NCKAP5: variants seen among roughly 807,000 people sequenced by gnomAD.
The protein encoded by NCKAP5 is NCK associated protein 5, also known as nck-associated protein 5.
NCKAP5 carries 92 observed loss-of-function variants against 167.0 expected under a neutral mutation model. That is an observed-to-expected ratio of 0.55 (90% CI 0.47 to 0.66). NCKAP5 has a LOEUF of 0.66. Ranked by LOEUF, NCKAP5 falls within the 30% of genes least tolerant of loss-of-function variation. The pLI, the probability that NCKAP5 is intolerant of heterozygous loss-of-function variation, is 0.00. For missense variants in NCKAP5, 2,378 were observed against 2,315.0 expected (o/e 1.03, Z -0.56); for synonymous variants, 891 against 877.4 (o/e 1.02, Z -0.27).
intron 3 of NCKAP5, among the ~76,000 whole-genome samples, chr2:133,357,825 G>T (rs927524420): frequency 2.0e-5 from 3 of 152,110 alleles, no homozygotes; most frequent in Non-Finnish European, 2.9e-5. Flanking sequence ...AATTTTTGGG[G>T]TCATTTCACT....
chr2:132,859,475 T>G (rs1397209898), intron 11 of NCKAP5, among the ~76,000 whole-genome samples: 2 of 152,232 alleles, frequency 1.3e-5, no homozygotes, highest in African/African-American at 2.4e-5. Flanking sequence ...CCTGGCCACA[T>G]GTGGCTTTTG....
At chr2:133,207,736 A>G (rs776972701) in intron 5 of NCKAP5, among the ~76,000 whole-genome samples, 7 of 152,248 alleles carry the variant, frequency 4.6e-5, no homozygotes, top group Admixed American at 1.3e-4. Context: ...GCCAAAAAAT[A>G]AAGCAGTACT....
intron 3 of NCKAP5, among the ~76,000 whole-genome samples, chr2:133,515,967 C>T (rs1425663861): frequency 6.6e-6 from 1 of 152,306 alleles, no homozygotes; most frequent in East Asian, 1.9e-4. Context: ...AAGACAATAG[C>T]TTATTATGTT....
At chr2:133,361,898 A>T (rs779569632) in intron 3 of NCKAP5, among the ~76,000 whole-genome samples, 3 of 152,212 alleles carry the variant, frequency 2.0e-5, no homozygotes, top group Non-Finnish European at 2.9e-5. Context: ...ATAGTTTTGA[A>T]TTTATAAATT....
chr2:132,708,993 C>A (rs748769267), intron 19 of NCKAP5, among the ~76,000 whole-genome samples: 2 of 151,960 alleles, frequency 1.3e-5, no homozygotes, highest in Non-Finnish European at 2.9e-5. Context: ...TCAAGAAGGA[C>A]TTTTTAAAAA....
At chr2:132,755,413 A>G (rs1324303105) in intron 16 of NCKAP5, among the ~76,000 whole-genome samples, 3 of 152,208 alleles carry the variant, frequency 2.0e-5, no homozygotes, top group African/African-American at 4.8e-5. Context: ...CTATTCGTCA[A>G]TATGAACCCT....
intron 8 of NCKAP5, among the ~76,000 whole-genome samples, chr2:132,929,247 C>A (rs2149045921): frequency 6.6e-6 from 1 of 152,002 alleles, no homozygotes; most frequent in Non-Finnish European, 1.5e-5. Flanking sequence ...ACCACATAGT[C>A]TATGGTATTT....
At chr2:133,057,578 G>A (rs1287483512) in intron 6 of NCKAP5, among the ~76,000 whole-genome samples, 1 of 152,208 alleles carries the variant, frequency 6.6e-6, no homozygotes, top group Non-Finnish European at 1.5e-5. Flanking sequence ...CTAGCCTGCA[G>A]CAAGACCTTA....
At chr2:133,420,898 C>T (rs150551391) in intron 3 of NCKAP5, among the ~76,000 whole-genome samples, 170 of 152,286 alleles carry the variant, frequency 1.1e-3, no homozygotes, top group Non-Finnish European at 2.2e-3. Flanking sequence ...TCAGCAGTCA[C>T]GCAGCGTTTT....
Position 132,788,714 on chromosome 2 carries a change from GT to G in NCKAP5, c.1092+1308del, listed in dbSNP as rs1558780119. Among the ~76,000 whole-genome samples, 9 of 152,244 alleles carry G rather than the reference GT, an allele frequency of 5.9e-5. No homozygotes were observed. The South Asian group carries it at 1.9e-3, about 32-fold the overall frequency. On this transcript the variant is annotated intron_variant, in intron 13 of 19. Transcript: ENST00000409261. ...TGCATTTCATGCAGGCTTCCTTTCTGTTTGTACACAAGTAAAACATACTTGT... is the reference window on the plus strand; with the variant it reads ...TGCATTTCATGCAGGCTTCCTTTCTGTTGTACACAAGTAAAACATACTTGT...
At chr2:133,256,257 A>G (rs2088613275) in intron 4 of NCKAP5, among the ~76,000 whole-genome samples, 1 of 152,116 alleles carries the variant, frequency 6.6e-6, no homozygotes, top group African/African-American at 2.4e-5. Context: ...AACAAATAGG[A>G]GCCTTACCCC....
intron 11 of NCKAP5, among the ~76,000 whole-genome samples, chr2:132,825,432 A>G: frequency 6.6e-6 from 1 of 152,226 alleles, no homozygotes; most frequent in East Asian, 1.9e-4. Flanking sequence ...GGTGACTAAG[A>G]GTTAAAACGT....
chr2:132,741,060 C>T (rs1679141259), intron 16 of NCKAP5, among the ~76,000 whole-genome samples: 1 of 151,916 alleles, frequency 6.6e-6, no homozygotes, highest in Admixed American at 6.6e-5. Flanking sequence ...ATTCCAAATG[C>T]CCACACAGAC....
intron 6 of NCKAP5, among the ~76,000 whole-genome samples, chr2:133,074,228 T>C (rs929699137): frequency 6.6e-6 from 1 of 152,042 alleles, no homozygotes; most frequent in African/African-American, 2.4e-5. Flanking sequence ...CCTGAGATGA[T>C]GCAGATGTTA....
intron 3 of NCKAP5, among the ~76,000 whole-genome samples, chr2:133,403,270 G>A (rs1308857987): frequency 6.6e-6 from 1 of 152,192 alleles, no homozygotes; most frequent in Non-Finnish European, 1.5e-5. Context: ...TAATTAAAAT[G>A]TCATGCACCA....
the NCKAP5 span, among the ~76,000 whole-genome samples, chr2:133,578,250 C>T: frequency 6.6e-6 from 1 of 152,192 alleles, no homozygotes; most frequent in Non-Finnish European, 1.5e-5. Flanking sequence ...GCCACCCTCC[C>T]TTTCTTCAGC....
intron 5 of NCKAP5, among the ~76,000 whole-genome samples, chr2:133,202,244 T>C (rs547160577): frequency 3.9e-5 from 6 of 152,184 alleles, no homozygotes; most frequent in African/African-American, 1.2e-4. Flanking sequence ...CATCTACAAC[T>C]ATCTGATCTT....
intron 5 of NCKAP5, among the ~76,000 whole-genome samples, chr2:133,139,110 T>C (rs2082904331): frequency 6.6e-6 from 1 of 152,196 alleles, no homozygotes; most frequent in Non-Finnish European, 1.5e-5. Flanking sequence ...GTGTATCACA[T>C]ACCCCGAGGG....
chr2:133,655,866 T>C, the NCKAP5 span, among the ~76,000 whole-genome samples: 1 of 152,108 alleles, frequency 6.6e-6, no homozygotes, highest in South Asian at 2.1e-4. Flanking sequence ...CCAAAAGAGC[T>C]TGTAGAGGCT....
Sources: gnomAD v4.1 joint callset for allele counts (sites outside exome capture counted in the v4.1 genomes callset) on GRCh38, gnomAD v4.1.1 for gene constraint, MANE v1.5 for transcripts, NCBI Gene and HGNC (gene_info 2026-07-23, HGNC 2026-07-21) for gene names.